The following AGBL4 variants were observed in gnomAD, a reference collection of about 807,000 sequenced individuals.
AGBL4 encodes AGBL carboxypeptidase 4.
Under a neutral mutation model 66.4 loss-of-function variants are expected in AGBL4, and 58 were observed. The observed-to-expected ratio is 0.87, with a 90% confidence interval of 0.71 to 1.09. The LOEUF is 1.09. AGBL4 is among the 50% of genes least tolerant of loss of function. The pLI is 0.00. For synonymous variants in AGBL4, 234 were observed against 222.9 expected (o/e 1.05, Z -0.44); for missense variants, 579 against 631.0 (o/e 0.92, Z 0.88).
chr1:49,138,428 C>T (rs895686681), intron 4 of AGBL4, among the ~76,000 whole-genome samples: 2 of 152,160 alleles, frequency 1.3e-5, no homozygotes, highest in African/African-American at 4.8e-5. Flanking sequence ...CCCTCCACTA[C>T]CAAAATACTG....
chr1:49,657,748 G>A (rs1047946257), intron 3 of AGBL4, among the ~76,000 whole-genome samples: 1 of 152,136 alleles, frequency 6.6e-6, no homozygotes, highest in Non-Finnish European at 1.5e-5. Flanking sequence ...ACAAAGACAA[G>A]CAATGGGGAA....
intron 3 of AGBL4, among the ~76,000 whole-genome samples, chr1:49,402,633 T>C (rs1281158592): frequency 6.7e-6 from 1 of 150,212 alleles, no homozygotes; most frequent in Admixed American, 6.7e-5. Flanking sequence ...AATGGCACCA[T>C]CTCCACTCAC....
At chr1:49,936,889 C>T (rs1032761070) in intron 1 of AGBL4, among the ~76,000 whole-genome samples, 3 of 152,160 alleles carry the variant, frequency 2.0e-5, no homozygotes, top group South Asian at 2.1e-4. Context: ...AAAATCATGC[C>T]GAATTATACA....
chr1:49,794,451 C>A (rs1313637065), intron 2 of AGBL4, among the ~76,000 whole-genome samples: 1 of 151,842 alleles, frequency 6.6e-6, no homozygotes, highest in East Asian at 1.9e-4. Flanking sequence ...AAATGATTTT[C>A]AGAGAGGCAG....
At chr1:49,059,073 G>T (rs1177750028) in intron 4 of AGBL4, among the ~76,000 whole-genome samples, 1 of 152,224 alleles carries the variant, frequency 6.6e-6, no homozygotes, top group East Asian at 1.9e-4. Flanking sequence ...GTAACAAGGA[G>T]CCAAATGTTA....
intron 5 of AGBL4, among the ~76,000 whole-genome samples, chr1:48,899,305 C>A (rs1052891230): frequency 6.6e-6 from 1 of 152,254 alleles, no homozygotes; most frequent in Admixed American, 6.5e-5. Context: ...TGTCCAACTT[C>A]TCTTGCCTCA....
At chr1:50,022,301 G>A (rs1461948717) in intron 1 of AGBL4, among the ~76,000 whole-genome samples, 1 of 152,014 alleles carries the variant, frequency 6.6e-6, no homozygotes, top group African/African-American at 2.4e-5. Flanking sequence ...TAAATGCTAT[G>A]AGAAAAAAAG....
At chr1:49,633,795 ATAAG>A (rs1645616503) in intron 3 of AGBL4, among the ~76,000 whole-genome samples, 1 of 150,102 alleles carries the variant, frequency 6.7e-6, no homozygotes, top group South Asian at 2.1e-4. Context: ...ATTTCATAGC[ATAAG>A]TAAATTAAAA....
intron 5 of AGBL4, among the ~76,000 whole-genome samples, chr1:48,973,460 T>C (rs1215609434): frequency 6.6e-6 from 1 of 152,122 alleles, no homozygotes. Context: ...TGGGAGTTAC[T>C]TCTATGAACT....
intron 1 of AGBL4, among the ~76,000 whole-genome samples, chr1:49,921,508 A>G (rs1652246810): frequency 6.6e-6 from 1 of 152,162 alleles, no homozygotes; most frequent in Non-Finnish European, 1.5e-5. Flanking sequence ...GGCTCACACG[A>G]TCACAAGGCA....
At chr1:49,645,377 C>A (rs1645864663) in intron 3 of AGBL4, among the ~76,000 whole-genome samples, 2 of 144,564 alleles carry the variant, frequency 1.4e-5, no homozygotes, top group South Asian at 4.5e-4. Context: ...AAGATGACAA[C>A]ACTATAGCCT....
At chr1:49,072,736 C>T (rs561580829) in intron 4 of AGBL4, among the ~76,000 whole-genome samples, 2 of 152,166 alleles carry the variant, frequency 1.3e-5, no homozygotes, top group East Asian at 1.9e-4. Context: ...TTGCTCTTCT[C>T]GAGGAATATC....
At chr1:48,950,578 A>G (rs1457846453) in intron 5 of AGBL4, among the ~76,000 whole-genome samples, 2 of 152,202 alleles carry the variant, frequency 1.3e-5, no homozygotes, top group African/African-American at 4.8e-5. Context: ...AGTAGGTATG[A>G]CAAATATTGT....
At chr1:49,253,241 A>G (rs1184579195) in intron 3 of AGBL4, among the ~76,000 whole-genome samples, 1 of 152,194 alleles carries the variant, frequency 6.6e-6, no homozygotes, top group African/African-American at 2.4e-5. Flanking sequence ...AACAGAAAAA[A>G]GCAAAGGTTG....
chr1:50,023,930 G>A lies in AGBL4; in HGVS notation c.-134C>T. 2.9e-6 allele frequency: 3 copies of A among 1,029,326 alleles called. No homozygotes were observed. Among genetic ancestry groups the A allele is most frequent in the Non-Finnish European group, 4.0e-6 (3 of 747,190 alleles). The allele number at this position is 1,029,326 out of a possible 1,614,324, so 63.8% of individuals were successfully genotyped here. ...CGGTTGCCTGGGCAACGGGCGGCAGGCGCGCGGGTGGCCGGCGCGCGGCTG... is the reference window on the plus strand; with the variant it reads ...CGGTTGCCTGGGCAACGGGCGGCAGACGCGCGGGTGGCCGGCGCGCGGCTG... On this transcript the variant is annotated 5_prime_UTR_variant, in exon 1 of 14. Coordinates refer to ENST00000371839, the MANE Select transcript of AGBL4 (RefSeq NM_032785.4).
intron 3 of AGBL4, among the ~76,000 whole-genome samples, chr1:49,326,580 G>T (rs1645232173): frequency 6.6e-6 from 1 of 152,100 alleles, no homozygotes; most frequent in Admixed American, 6.6e-5. Context: ...CAATAAAATG[G>T]GGAGGAACCC....
chr1:49,927,496 T>C (rs985321647), intron 1 of AGBL4, among the ~76,000 whole-genome samples: 6 of 152,022 alleles, frequency 3.9e-5, no homozygotes, highest in African/African-American at 1.4e-4. Context: ...TCAGATCTTA[T>C]GAGACTCAAG....
At chr1:48,808,719 G>T (rs772702194) in intron 6 of AGBL4, among the ~76,000 whole-genome samples, 4 of 152,198 alleles carry the variant, frequency 2.6e-5, no homozygotes, top group African/African-American at 4.8e-5. Context: ...CCCAAGAGAG[G>T]CCATGGCCAG....
chr1:48,781,943 C>T (rs953948829), intron 6 of AGBL4, among the ~76,000 whole-genome samples: 1 of 152,204 alleles, frequency 6.6e-6, no homozygotes, highest in African/African-American at 2.4e-5. Context: ...ATCATGCATG[C>T]CAGGCGCTGT....
Sources: gnomAD v4.1 joint callset for allele counts (sites outside exome capture counted in the v4.1 genomes callset) on GRCh38, gnomAD v4.1.1 for gene constraint, MANE v1.5 for transcripts, NCBI Gene and HGNC (gene_info 2026-07-23, HGNC 2026-07-21) for gene names.